Variants in OLFM3 observed in about 807,000 individuals in gnomAD.
OLFM3 encodes noelin-3.
In OLFM3, 20 loss-of-function variants were observed where a neutral mutation model predicts 48.6. The ratio of observed to expected loss-of-function variants is 0.41; its 90% confidence interval spans 0.29 to 0.60. The LOEUF (loss-of-function observed/expected upper bound fraction) is 0.60, where lower values mean the gene tolerates loss of function less well. OLFM3 is among the 20% of genes least tolerant of loss of function. OLFM3 has a pLI of 0.28. For missense variants in OLFM3, 437 were observed against 544.3 expected, an observed-to-expected ratio of 0.80 and a Z score of 1.96; for synonymous variants, 222 against 198.1, an observed-to-expected ratio of 1.12 and a Z score of -1.01.
intron 1 of OLFM3, chr1:101,893,543 T>C (rs1436561734): frequency 7.1e-6 from 2 of 280,750 alleles, no homozygotes; most frequent in Admixed American, 3.8e-5. Context: ...AGCCAGGAGA[T>C]ATTATCATTG....
intron 1 of OLFM3, among the ~76,000 whole-genome samples, chr1:101,856,524 A>G (rs984143976): frequency 1.3e-5 from 2 of 152,022 alleles, no homozygotes; most frequent in African/African-American, 4.8e-5. Flanking sequence ...ATAGCAATAG[A>G]TAAGTAAAGG....
chr1:101,903,533 CTG>C, intron 1 of OLFM3, among the ~76,000 whole-genome samples: 2 of 152,126 alleles, frequency 1.3e-5, no homozygotes, highest in Middle Eastern at 3.4e-3. Context: ...ATGATGTTAA[CTG>C]TTGAGTTTGT....
At chr1:101,908,157 CT>C (rs1236769009) in intron 1 of OLFM3, among the ~76,000 whole-genome samples, 1 of 152,108 alleles carries the variant, frequency 6.6e-6, no homozygotes, top group Non-Finnish European at 1.5e-5. Flanking sequence ...GAGGAAAAAA[CT>C]TTTTATCCTT....
chr1:101,820,967 C>A (rs1050856348), intron 4 of OLFM3, among the ~76,000 whole-genome samples: 1 of 151,928 alleles, frequency 6.6e-6, no homozygotes, highest in African/African-American at 2.4e-5. Flanking sequence ...TACTATATTG[C>A]TGATTCTGTA....
chr1:101,817,491 G>C (rs151200627), intron 4 of OLFM3, among the ~76,000 whole-genome samples: 1,625 of 152,192 alleles, frequency 0.011, 29 homozygotes, highest in African/African-American at 0.036. Flanking sequence ...CTTATAGTCA[G>C]TTACAATCCA....
intron 1 of OLFM3, among the ~76,000 whole-genome samples, chr1:101,918,238 C>T (rs1427309562): frequency 6.6e-6 from 1 of 152,170 alleles, no homozygotes; most frequent in African/African-American, 2.4e-5. Flanking sequence ...ACAAATTCAG[C>T]AATTGCCCTA....
intron 1 of OLFM3, among the ~76,000 whole-genome samples, chr1:101,949,939 A>T (rs907020529): frequency 2.7e-5 from 4 of 150,462 alleles, no homozygotes; most frequent in African/African-American, 4.9e-5. Context: ...CTGAAAAAAA[A>T]AAAAAAAAAG....
chr1:101,984,247 C>CAAA (rs11313941), intron 1 of OLFM3, among the ~76,000 whole-genome samples: 4 of 89,626 alleles, frequency 4.5e-5, no homozygotes, highest in African/African-American at 1.3e-4. Flanking sequence ...GACTCTGTCT[C>CAAA]AAAAAAAAAA....
At chr1:101,887,105 A>G (rs1657793469) in intron 1 of OLFM3, among the ~76,000 whole-genome samples, 1 of 152,016 alleles carries the variant, frequency 6.6e-6, no homozygotes, top group South Asian at 2.1e-4. Flanking sequence ...TAAATAAATT[A>G]TAATGCATAA....
At chr1:101,861,329 T>A (rs528237409) in intron 1 of OLFM3, among the ~76,000 whole-genome samples, 1 of 151,734 alleles carries the variant, frequency 6.6e-6, no homozygotes, top group South Asian at 2.1e-4. Context: ...CCCAAAGTGC[T>A]GGGATTACAG....
At position 101,830,779 on chromosome 1, in the gene OLFM3, T is replaced by G; in HGVS notation, c.265A>C (p.Arg89=). 2.5e-6 allele frequency: 4 copies of G among 1,614,062 alleles called. No individual in the cohort carries two copies. The highest frequency in any genetic ancestry group is 3.4e-6 in the Non-Finnish European group (4 of 1,179,898). The change falls in exon 3 of 6, where the codon AGA becomes CGA. Residue 89 remains arginine (R), a synonymous_variant. Coordinates refer to ENST00000370103, the MANE Select transcript of OLFM3 (RefSeq NM_058170.4). ...ATTTTTAAAACATATTGGAAATCTC[T>G]CTGAGTTCTCAAGTTTAAGACTTCA... ...SIEVLNLRTQ[R]DFQYVLKMET... is the part of the protein sequence containing the mutation.
chr1:101,838,836 G>C (rs1420118873), intron 1 of OLFM3, among the ~76,000 whole-genome samples: 1 of 152,170 alleles, frequency 6.6e-6, no homozygotes, highest in Non-Finnish European at 1.5e-5. Flanking sequence ...TTTCTCCACA[G>C]ATTTACCATA....
At chr1:101,978,280 C>T (rs1661009042) in intron 1 of OLFM3, among the ~76,000 whole-genome samples, 1 of 151,916 alleles carries the variant, frequency 6.6e-6, no homozygotes, top group African/African-American at 2.4e-5. Flanking sequence ...TATGATTTTG[C>T]ATCATTTGAA....
chr1:101,904,854 A>G (rs529011119), intron 1 of OLFM3, among the ~76,000 whole-genome samples: 1 of 152,232 alleles, frequency 6.6e-6, no homozygotes, highest in African/African-American at 2.4e-5. Flanking sequence ...TACTCCCCAC[A>G]GTCACAGCAA....
intron 1 of OLFM3, among the ~76,000 whole-genome samples, chr1:101,926,747 T>C (rs1037209200): frequency 1.3e-5 from 2 of 152,296 alleles, no homozygotes; most frequent in South Asian, 4.1e-4. Flanking sequence ...ATGATTCTAT[T>C]ACGATGAATT....
At chr1:101,935,671 C>A (rs1165688906) in intron 1 of OLFM3, among the ~76,000 whole-genome samples, 2 of 151,902 alleles carry the variant, frequency 1.3e-5, no homozygotes, top group African/African-American at 2.4e-5. Context: ...AGATGCAACA[C>A]AAAAAGAAAA....
chr1:101,808,758 C>T (rs1653904943), intron 4 of OLFM3, among the ~76,000 whole-genome samples: 1 of 151,688 alleles, frequency 6.6e-6, no homozygotes, highest in Admixed American at 6.6e-5. Flanking sequence ...TTTCCAAGCA[C>T]ATTTATTGTT....
chr1:101,803,734 T>G lies in OLFM3; in HGVS notation c.*504A>C, dbSNP rs949796853. On this transcript the variant is annotated 3_prime_UTR_variant, in exon 6 of 6. Coordinates refer to ENST00000370103, the MANE Select transcript of OLFM3 (RefSeq NM_058170.4). ...TGTACAGCACCGCATCAGAGAATTG[T>G]GTTAACAGCAAAATGATTAATATTA... The G allele has an allele frequency of 6.6e-6, 1 of 152,658 alleles. No homozygotes were observed. Among genetic ancestry groups the G allele is most frequent in the South Asian group, 2.1e-4 (1 of 4,830 alleles). 9.5% of individuals were successfully genotyped at this position (152,658 alleles called of 1,614,324 possible). A position where few individuals can be genotyped will look rare whatever the true frequency, so the allele number is the denominator to read the frequency against.
chr1:101,870,608 T>C (rs1400092544), intron 1 of OLFM3, among the ~76,000 whole-genome samples: 1 of 152,138 alleles, frequency 6.6e-6, no homozygotes, highest in South Asian at 2.1e-4. Flanking sequence ...TATTACAGAC[T>C]GTTAATGGTC....
Sources: gnomAD v4.1 joint callset for allele counts (sites outside exome capture counted in the v4.1 genomes callset) on GRCh38, gnomAD v4.1.1 for gene constraint, MANE v1.5 for transcripts, NCBI Gene and HGNC (gene_info 2026-07-23, HGNC 2026-07-21) for gene names.